The following GRIK2 variants were observed in gnomAD, a reference collection of about 807,000 sequenced individuals.
GRIK2 encodes the protein glutamate receptor ionotropic, kainate 2.
In GRIK2, 32 loss-of-function variants were observed where a neutral mutation model predicts 100.3. The observed-to-expected ratio is 0.32, with a 90% CI of 0.24 to 0.43. GRIK2 has a LOEUF of 0.43. GRIK2 is among the 20% of genes least tolerant of loss of function. The probability of loss-of-function intolerance (pLI) is 1.00; values close to 1 mark genes in which losing one functional copy is unlikely to be tolerated. For missense variants in GRIK2, 843 were observed against 1,114.9 expected (o/e 0.76, Z 3.47); for synonymous variants, 417 against 389.4 (o/e 1.07, Z -0.83).
intron 14 of GRIK2, among the ~76,000 whole-genome samples, chr6:101,962,127 C>G (rs2128482773): frequency 6.6e-6 from 1 of 152,248 alleles, no homozygotes; most frequent in South Asian, 2.1e-4. Context: ...CCCCATCTAC[C>G]TTATCCATGG....
At position 102,068,546 on chromosome 6, in the gene GRIK2, G is replaced by T; in HGVS notation, c.*35G>T. On this transcript the variant is annotated 3_prime_UTR_variant, in exon 17 of 17. Coordinates refer to ENST00000369134, the MANE Select transcript of GRIK2 (RefSeq NM_021956.5). ...GCCAAACACCCAAGCACAAACTGTC[G>T]TCTTTTTCCAAACAATTTAGCCAGA... 6.3e-7 allele frequency: 1 copy of T among 1,589,240 alleles called. No individual in the cohort carries two copies. The highest frequency in any genetic ancestry group is 1.7e-5 in the Admixed American group (1 of 57,962).
intron 2 of GRIK2, among the ~76,000 whole-genome samples, chr6:101,534,488 G>A (rs1775594272): frequency 6.6e-6 from 1 of 151,790 alleles, no homozygotes; most frequent in African/African-American, 2.4e-5. Flanking sequence ...TGATCTAAAG[G>A]AACCTGGTTG....
intron 7 of GRIK2, among the ~76,000 whole-genome samples, chr6:101,732,451 C>T (rs1248060809): frequency 1.3e-5 from 2 of 151,832 alleles, no homozygotes; most frequent in African/African-American, 2.4e-5. Flanking sequence ...TTTTCTACTA[C>T]TATTTTAAGG....
At chr6:101,818,604 A>G (rs1781774040) in intron 10 of GRIK2, 121 bp downstream of exon 10, 1 of 621,216 alleles carries the variant, frequency 1.6e-6, no homozygotes, top group Non-Finnish European at 2.9e-6. Flanking sequence ...TTTAGCAATT[A>G]CTGTACAACA....
At position 101,931,190 on chromosome 6, in the gene GRIK2, T is replaced by TA. The variant is rs1244102845; in HGVS notation, c.2085+2566dup. On this transcript the variant is annotated intron_variant, in intron 14 of 16. Transcript: ENST00000369134. ...GTTATTCCAGCTATGGTAAGAAATTTAAAAAAAATTCTAGCAGTCTGGAAT... is the reference window on the plus strand; with the variant it reads ...GTTATTCCAGCTATGGTAAGAAATTTAAAAAAAAATTCTAGCAGTCTGGAAT... 4.6e-5 allele frequency among the ~76,000 whole-genome samples: 7 copies of TA among 152,118 alleles called. No homozygotes were observed. The East Asian group carries it at 5.8e-4, about 13-fold the overall frequency.
At chr6:101,708,661 A>G (rs1348818730) in intron 7 of GRIK2, among the ~76,000 whole-genome samples, 1 of 151,808 alleles carries the variant, frequency 6.6e-6, no homozygotes, top group East Asian at 1.9e-4. Flanking sequence ...TTTTATATAT[A>G]TGAATCTCCA....
chr6:101,606,481 G>A (rs954999195), intron 2 of GRIK2, among the ~76,000 whole-genome samples: 1 of 151,888 alleles, frequency 6.6e-6, no homozygotes, highest in Non-Finnish European at 1.5e-5. Flanking sequence ...AACAGCATGA[G>A]CCTTCTTTCT....
rs533577959 is a variant in GRIK2 at position 101,663,711 on chromosome 6, A to G, written c.542-12912A>G. ...TCTGCACACAGACCAAAGTTACAAT[A>G]ATCCTGTTAAAGAGTTTCTAAAACA... On this transcript the variant is annotated intron_variant, in intron 4 of 16. Transcript: ENST00000369134. 2.6e-5 allele frequency among the ~76,000 whole-genome samples: 4 copies of G among 152,324 alleles called. No individual in the cohort carries two copies. In the East Asian group the frequency reaches 7.7e-4, roughly 29 times the overall value.
intron 7 of GRIK2, among the ~76,000 whole-genome samples, chr6:101,794,309 G>C (rs561779742): frequency 6.6e-6 from 1 of 151,918 alleles, no homozygotes; most frequent in African/African-American, 2.4e-5. Flanking sequence ...CGTCGCTCAC[G>C]CTGGGAGCTG....
chr6:101,480,280 A>G (rs1445262787), intron 2 of GRIK2, among the ~76,000 whole-genome samples: 1 of 152,120 alleles, frequency 6.6e-6, no homozygotes, highest in Non-Finnish European at 1.5e-5. Flanking sequence ...ATGGTAGGAG[A>G]GACAAGAGAG....
intron 7 of GRIK2, among the ~76,000 whole-genome samples, chr6:101,688,814 T>C (rs1771891960): frequency 6.6e-6 from 1 of 151,976 alleles, no homozygotes; most frequent in Non-Finnish European, 1.5e-5. Flanking sequence ...AAAATAAAGG[T>C]TTCTTTCAAA....
intron 2 of GRIK2, among the ~76,000 whole-genome samples, chr6:101,562,452 C>T (rs1295784043): frequency 1.3e-5 from 2 of 152,076 alleles, no homozygotes; most frequent in African/African-American, 4.8e-5. Context: ...GATTCTCCTG[C>T]TTGAGCCTCC....
chr6:102,063,582 T>G (rs1771860950), intron 16 of GRIK2, among the ~76,000 whole-genome samples: 1 of 150,848 alleles, frequency 6.6e-6, no homozygotes, highest in Admixed American at 6.6e-5. Flanking sequence ...AAAAGAAATC[T>G]GTGCTTCTCC....
intron 11 of GRIK2, among the ~76,000 whole-genome samples, chr6:101,867,211 C>T (rs1309545630): frequency 6.6e-6 from 1 of 151,886 alleles, no homozygotes; most frequent in African/African-American, 2.4e-5. Flanking sequence ...CCCCAACACA[C>T]CAAATTCTGC....
At chr6:102,015,886 C>A (rs1379029910) in intron 14 of GRIK2, among the ~76,000 whole-genome samples, 1 of 152,130 alleles carries the variant, frequency 6.6e-6, no homozygotes, top group Non-Finnish European at 1.5e-5. Flanking sequence ...GTCCAGGAGT[C>A]CTGATCTGAG....
chr6:102,050,438 G>A (rs138902267), intron 15 of GRIK2, among the ~76,000 whole-genome samples: 31 of 152,108 alleles, frequency 2.0e-4, no homozygotes, highest in Middle Eastern at 3.4e-3. Context: ...TGGATCACGA[G>A]GTCAAGAGAT....
chr6:101,567,106 T>C (rs961273065), intron 2 of GRIK2, among the ~76,000 whole-genome samples: 1 of 151,752 alleles, frequency 6.6e-6, no homozygotes, highest in Non-Finnish European at 1.5e-5. Flanking sequence ...AGAAACTGTT[T>C]TACCTACAAA....
intron 10 of GRIK2, among the ~76,000 whole-genome samples, chr6:101,838,988 C>CTTT (rs61212050): frequency 0.025 from 3,725 of 149,512 alleles, 163 homozygotes; most frequent in African/African-American, 0.086. Context: ...CTGGAATATG[C>CTTT]TTTTTTTTTT....
chr6:101,449,664 G>GA lies in GRIK2; in HGVS notation c.115+50273dup, dbSNP rs557933725. ...GAATTTAGCAAATTCTGTTGATTCA[G>GA]ATTCTCCTTTGTGTCTCTGTGTCTC... On this transcript the variant is annotated intron_variant, in intron 2 of 16. Transcript: ENST00000369134. Among the ~76,000 whole-genome samples, 15 of 151,782 alleles carry GA rather than the reference G, an allele frequency of 9.9e-5. No individual in the cohort carries two copies. In the South Asian group the frequency reaches 3.1e-3, roughly 31 times the overall value.
Sources: allele counts gnomAD v4.1 joint callset (sites outside exome capture counted in the v4.1 genomes callset), GRCh38; gene constraint gnomAD v4.1.1; transcripts MANE v1.5; gene names NCBI Gene and HGNC (gene_info 2026-07-23, HGNC 2026-07-21).